The following TASP1 variants were observed in gnomAD, a reference collection of about 807,000 sequenced individuals.
The protein encoded by TASP1 is threonine aspartase 1.
In TASP1, 16 loss-of-function variants were observed where a neutral mutation model predicts 56.6. That is an observed-to-expected ratio of 0.28 (90% CI 0.19 to 0.43). The LOEUF (loss-of-function observed/expected upper bound fraction) is 0.43. Among genes scored for constraint, TASP1 ranks in the 20% least tolerant of loss-of-function variants. TASP1 has a pLI of 1.00. For missense variants in TASP1, 393 were observed against 511.6 expected (o/e 0.77, Z 2.24); for synonymous variants, 179 against 184.2 (o/e 0.97, Z 0.23).
chr20:13,266,278 G>C, the TASP1 span, among the ~76,000 whole-genome samples: 1 of 152,320 alleles, frequency 6.6e-6, no homozygotes, highest in South Asian at 2.1e-4. Flanking sequence ...CAAAATGCTA[G>C]GCTGTAAGAA....
the TASP1 span, among the ~76,000 whole-genome samples, chr20:13,342,560 C>T: frequency 2.6e-5 from 4 of 152,204 alleles, no homozygotes; most frequent in Admixed American, 2.6e-4. Flanking sequence ...AAGGCACAGG[C>T]ATGACCTGCC....
At chr20:13,442,468 C>A (rs867176800) in intron 11 of TASP1, among the ~76,000 whole-genome samples, 5 of 151,982 alleles carry the variant, frequency 3.3e-5, no homozygotes, top group African/African-American at 1.2e-4. Context: ...GATAATGAAA[C>A]CCTGTCTCTA....
intron 4 of TASP1, among the ~76,000 whole-genome samples, chr20:13,610,194 G>T (rs1476107346): frequency 6.6e-6 from 1 of 152,194 alleles, no homozygotes; most frequent in Non-Finnish European, 1.5e-5. Flanking sequence ...AGTGGTAGTT[G>T]CACAACACTG....
intron 11 of TASP1, among the ~76,000 whole-genome samples, chr20:13,473,078 G>A (rs1386326622): frequency 6.6e-6 from 1 of 152,098 alleles, no homozygotes; most frequent in East Asian, 1.9e-4. Flanking sequence ...CAAAGATTTG[G>A]AACCAACCCA....
chr20:13,253,610 C>A, the TASP1 span, among the ~76,000 whole-genome samples: 9 of 152,152 alleles, frequency 5.9e-5, no homozygotes, highest in African/African-American at 2.2e-4. Context: ...CAAACACCTG[C>A]TGCTGGGCCC....
At chr20:13,177,994 A>T in the TASP1 span, among the ~76,000 whole-genome samples, 1 of 152,184 alleles carries the variant, frequency 6.6e-6, no homozygotes, top group South Asian at 2.1e-4. Context: ...ATATATTTGC[A>T]AACTACTTAC....
Position 13,576,685 on chromosome 20 carries a change from G to A in TASP1, c.488+4212C>T, listed in dbSNP as rs116768851. Among the ~76,000 whole-genome samples, 926 of 152,178 alleles carry A rather than the reference G, an allele frequency of 6.1e-3. 6 individuals are homozygous for A. Among genetic ancestry groups the A allele is most frequent in the African/African-American group, 0.019 (789 of 41,530 alleles). On this transcript the variant is annotated intron_variant, in intron 6 of 13. Coordinates refer to ENST00000337743, the MANE Select transcript of TASP1 (RefSeq NM_017714.3). ...TATTAGAATCACAATCAAAATTCTG[G>A]CAGGCTATTTACAGAAATGGAAAAA...
chr20:13,130,305 T>C, the TASP1 span, among the ~76,000 whole-genome samples: 3 of 152,206 alleles, frequency 2.0e-5, no homozygotes, highest in Non-Finnish European at 4.4e-5. Context: ...AGAGCTGCCT[T>C]ACAGGATCTG....
chr20:13,219,271 C>G, the TASP1 span, among the ~76,000 whole-genome samples: 16 of 152,196 alleles, frequency 1.1e-4, no homozygotes, highest in Non-Finnish European at 1.8e-4. Flanking sequence ...CTGTGGGATT[C>G]TAGTTTGCCA....
At chr20:13,542,887 A>C (rs2045674743) in intron 8 of TASP1, among the ~76,000 whole-genome samples, 1 of 152,146 alleles carries the variant, frequency 6.6e-6, no homozygotes, top group Non-Finnish European at 1.5e-5. Context: ...AAAATTAATA[A>C]GCTAACTATC....
the TASP1 span, among the ~76,000 whole-genome samples, chr20:13,218,076 T>A: frequency 4.6e-5 from 7 of 151,628 alleles, no homozygotes; most frequent in Non-Finnish European, 5.9e-5. Context: ...ACGGTGAAAA[T>A]CTCTCTCTAC....
At chr20:13,475,731 C>T (rs1052759841) in intron 11 of TASP1, among the ~76,000 whole-genome samples, 7 of 151,970 alleles carry the variant, frequency 4.6e-5, no homozygotes, top group Admixed American at 4.6e-4. Flanking sequence ...CCCATCTCTA[C>T]CAAAAATATA....
chr20:13,204,440 A>T, the TASP1 span, among the ~76,000 whole-genome samples: 1 of 152,158 alleles, frequency 6.6e-6, no homozygotes, highest in African/African-American at 2.4e-5. Context: ...TCCTTTAATA[A>T]TTTTAACAAG....
At chr20:13,224,345 G>A in the TASP1 span, among the ~76,000 whole-genome samples, 4 of 152,168 alleles carry the variant, frequency 2.6e-5, no homozygotes. Flanking sequence ...AGAATGTTCT[G>A]CCAAATGAGG....
intron 4 of TASP1, among the ~76,000 whole-genome samples, chr20:13,612,444 A>G (rs1034729978): frequency 2.0e-5 from 3 of 151,714 alleles, no homozygotes; most frequent in Non-Finnish European, 4.4e-5. Context: ...TAAACTGCCT[A>G]TCAAGACAAA....
At chr20:13,215,475 T>G in the TASP1 span, among the ~76,000 whole-genome samples, 1 of 152,224 alleles carries the variant, frequency 6.6e-6, no homozygotes, top group Non-Finnish European at 1.5e-5. Flanking sequence ...GGGGTCTCTT[T>G]TCAATGCAGA....
intron 4 of TASP1, among the ~76,000 whole-genome samples, chr20:13,609,995 C>CA (rs773629927): frequency 7.2e-5 from 11 of 152,014 alleles, no homozygotes; most frequent in Non-Finnish European, 1.6e-4. Flanking sequence ...TTATTCTAAG[C>CA]GAAAAAAGCC....
At chr20:13,185,616 T>C in the TASP1 span, among the ~76,000 whole-genome samples, 1 of 152,198 alleles carries the variant, frequency 6.6e-6, no homozygotes, top group Admixed American at 6.5e-5. Context: ...CTGTACTTGA[T>C]TCCATGTGAC....
chr20:13,260,873 G>C, the TASP1 span, among the ~76,000 whole-genome samples: 4 of 152,174 alleles, frequency 2.6e-5, no homozygotes, highest in Non-Finnish European at 5.9e-5. Flanking sequence ...GGCTCTCATA[G>C]CCTGGGGAGG....
Sources: allele counts gnomAD v4.1 joint callset (sites outside exome capture counted in the v4.1 genomes callset), GRCh38; gene constraint gnomAD v4.1.1; transcripts MANE v1.5; gene names NCBI Gene and HGNC (gene_info 2026-07-23, HGNC 2026-07-21).